Variants in MEIS2 observed in about 807,000 individuals in gnomAD.
MEIS2 encodes homeobox protein Meis2.
A neutral mutation model predicts 58.6 loss-of-function variants in MEIS2; 9 were observed. The observed-to-expected ratio is 0.15, with a 90% CI of 0.09 to 0.27. MEIS2 has a LOEUF of 0.27. Ranked by LOEUF, MEIS2 falls within the 10% of genes least tolerant of loss-of-function variation. The pLI is 1.00. For missense variants in MEIS2, 427 were observed against 635.0 expected (o/e 0.67, Z 3.52); for synonymous variants, 221 against 228.4 (o/e 0.97, Z 0.29).
At chr15:36,995,706 T>TAAAAAAAAAAAAAAAACAAAAAAAAAAA in intron 8 of MEIS2, among the ~76,000 whole-genome samples, 1 of 4,122 alleles carries the variant, frequency 2.4e-4, no homozygotes, top group Non-Finnish European at 3.8e-4. Flanking sequence ...TTACAGCTAC[T>TAAAAAAAAAAAAAAAACAAAAAAAAAAA]AAAAAAAAAA....
intron 8 of MEIS2, among the ~76,000 whole-genome samples, chr15:36,955,049 C>T (rs749224223): frequency 6.6e-6 from 1 of 152,166 alleles, no homozygotes; most frequent in Non-Finnish European, 1.5e-5. Flanking sequence ...TACAGGCAGA[C>T]ATGCCAAGGA....
intron 6 of MEIS2, among the ~76,000 whole-genome samples, chr15:37,084,906 T>C: frequency 6.6e-6 from 1 of 152,172 alleles, no homozygotes; most frequent in East Asian, 1.9e-4. Flanking sequence ...AAGCCAGAGC[T>C]GTACACTTGT....
At chr15:36,894,825 T>TA (rs2056083012) in intron 11 of MEIS2, 1 of 1,597,538 alleles carries the variant, frequency 6.3e-7, no homozygotes, top group Non-Finnish European at 8.6e-7. Context: ...AGAAAGGAGA[T>TA]AAAATCCAAG....
chr15:37,043,680 CTTTTTTT>C (rs35502089), intron 7 of MEIS2, among the ~76,000 whole-genome samples: 7 of 112,930 alleles, frequency 6.2e-5, no homozygotes, highest in Admixed American at 9.4e-5. Flanking sequence ...CCGTCCCCTC[CTTTTTTT>C]TTTTTTTTTT....
intron 7 of MEIS2, among the ~76,000 whole-genome samples, chr15:37,063,552 C>T (rs1889530328): frequency 6.6e-6 from 1 of 152,178 alleles, no homozygotes; most frequent in South Asian, 2.1e-4. Context: ...ACTAAACGTA[C>T]AGCACAATGT....
chr15:36,949,114 AT>A (rs1322526808), intron 9 of MEIS2, among the ~76,000 whole-genome samples: 2 of 151,912 alleles, frequency 1.3e-5, no homozygotes, highest in East Asian at 3.9e-4. Flanking sequence ...TACTGGTGTA[AT>A]TGAAATGCTA....
intron 8 of MEIS2, among the ~76,000 whole-genome samples, chr15:37,016,649 A>G (rs939106306): frequency 2.6e-5 from 4 of 152,200 alleles, no homozygotes; most frequent in African/African-American, 9.7e-5. Flanking sequence ...AATTCCTACT[A>G]TTATGCATAT....
chr15:37,037,907 G>A (rs1182232639), intron 7 of MEIS2, among the ~76,000 whole-genome samples: 14 of 152,184 alleles, frequency 9.2e-5, no homozygotes, highest in South Asian at 2.1e-4. Context: ...AACAAGATCC[G>A]ACTTGTGGCA....
At chr15:37,038,852 C>T (rs2141746832) in intron 7 of MEIS2, among the ~76,000 whole-genome samples, 1 of 152,336 alleles carries the variant, frequency 6.6e-6, no homozygotes, top group East Asian at 1.9e-4. Flanking sequence ...CACACCCAAG[C>T]TCGTGCAGGG....
At chr15:37,057,992 G>A (rs997608866) in intron 7 of MEIS2, among the ~76,000 whole-genome samples, 3 of 152,114 alleles carry the variant, frequency 2.0e-5, no homozygotes, top group African/African-American at 4.8e-5. Context: ...TTTTCAAAGG[G>A]TCACATGTAC....
intron 8 of MEIS2, among the ~76,000 whole-genome samples, chr15:37,034,890 G>A (rs1595976235): frequency 1.3e-5 from 2 of 152,028 alleles, no homozygotes; most frequent in East Asian, 1.9e-4. Context: ...TCGGGCCCTT[G>A]TCTCAGCTTG....
chr15:37,005,667 G>A (rs1403546), intron 8 of MEIS2, among the ~76,000 whole-genome samples: 17,345 of 152,066 alleles, frequency 0.11, 1,712 homozygotes, highest in Admixed American at 0.33. Flanking sequence ...GAGATCCTCC[G>A]CCTCTCAGCC....
intron 7 of MEIS2, among the ~76,000 whole-genome samples, chr15:37,077,339 C>T (rs545916392): frequency 9.2e-5 from 14 of 152,114 alleles, no homozygotes; most frequent in African/African-American, 2.9e-4. Flanking sequence ...ACAAGTTCCC[C>T]GAAAGCCCCC....
At chr15:37,006,153 G>T (rs1331964520) in intron 8 of MEIS2, among the ~76,000 whole-genome samples, 1 of 151,982 alleles carries the variant, frequency 6.6e-6, no homozygotes, top group Non-Finnish European at 1.5e-5. Flanking sequence ...TGCACTATTT[G>T]GACCACTGAT....
At chr15:36,968,273 A>C (rs2141454266) in intron 8 of MEIS2, among the ~76,000 whole-genome samples, 1 of 152,334 alleles carries the variant, frequency 6.6e-6, no homozygotes, top group African/African-American at 2.4e-5. Context: ...ATACGGAGAA[A>C]ATTTTCTTTA....
intron 9 of MEIS2, among the ~76,000 whole-genome samples, chr15:36,922,910 C>T (rs897631972): frequency 6.6e-6 from 1 of 152,042 alleles, no homozygotes; most frequent in Non-Finnish European, 1.5e-5. Flanking sequence ...GCCACCGCTC[C>T]CGGCCAAACA....
intron 9 of MEIS2, among the ~76,000 whole-genome samples, chr15:36,911,843 G>T (rs1376558505): frequency 1.3e-5 from 2 of 152,068 alleles, no homozygotes; most frequent in East Asian, 3.8e-4. Flanking sequence ...GCTCTGTTTT[G>T]GTCCACTTAA....
chr15:36,997,430 G>C (rs1595893481), intron 8 of MEIS2, among the ~76,000 whole-genome samples: 1 of 151,886 alleles, frequency 6.6e-6, no homozygotes, highest in African/African-American at 2.4e-5. Flanking sequence ...GGGTTGGAAG[G>C]GCCCATGGAT....
At chr15:37,095,355 T>C (rs1332151581) in intron 4 of MEIS2, among the ~76,000 whole-genome samples, 2 of 152,206 alleles carry the variant, frequency 1.3e-5, no homozygotes, top group Non-Finnish European at 2.9e-5. Flanking sequence ...CGTTTCGGCC[T>C]CCCTGGGCTT....
Sources: allele counts gnomAD v4.1 joint callset (sites outside exome capture counted in the v4.1 genomes callset), GRCh38; gene constraint gnomAD v4.1.1; transcripts MANE v1.5; gene names NCBI Gene and HGNC (gene_info 2026-07-23, HGNC 2026-07-21).